DCC: variants seen among roughly 807,000 people sequenced by gnomAD.
DCC encodes DCC netrin 1 receptor.
DCC carries 58 observed loss-of-function variants against 172.5 expected under a neutral mutation model. The ratio of observed to expected loss-of-function variants is 0.34; its 90% CI spans 0.27 to 0.42. The LOEUF is 0.42. Among genes scored for constraint, DCC ranks in the 10% least tolerant of loss-of-function variants. The probability of loss-of-function intolerance (pLI) is 1.00; values close to 1 mark genes in which losing one functional copy is unlikely to be tolerated. For synonymous variants in DCC, 709 were observed against 644.5 expected, an observed-to-expected ratio of 1.10 and a Z score of -1.52; for missense variants, 1,740 against 1,791.0, an observed-to-expected ratio of 0.97 and a Z score of 0.51.
At chr18:52,807,510 C>T (rs1231807157) in intron 2 of DCC, among the ~76,000 whole-genome samples, 2 of 140,648 alleles carry the variant, frequency 1.4e-5, no homozygotes, top group East Asian at 2.3e-4. Context: ...AAAATAATGA[C>T]AGCAATATTG....
At chr18:52,681,373 C>T (rs2035747947) in intron 1 of DCC, among the ~76,000 whole-genome samples, 1 of 152,002 alleles carries the variant, frequency 6.6e-6, no homozygotes, top group Non-Finnish European at 1.5e-5. Context: ...AATTTCCATG[C>T]TATCAGGGAG....
At chr18:52,772,988 G>A (rs568723750) in intron 2 of DCC, among the ~76,000 whole-genome samples, 5 of 152,298 alleles carry the variant, frequency 3.3e-5, no homozygotes, top group Middle Eastern at 3.4e-3. Context: ...TATGGGCATA[G>A]ATCCTTGATG....
intron 13 of DCC, among the ~76,000 whole-genome samples, chr18:53,309,428 T>C (rs2057238865): frequency 6.6e-6 from 1 of 152,076 alleles, no homozygotes; most frequent in Non-Finnish European, 1.5e-5. Flanking sequence ...ATTATAACTG[T>C]AAAGACCCTA....
At chr18:52,595,823 A>C (rs1008870469) in intron 1 of DCC, among the ~76,000 whole-genome samples, 2 of 152,202 alleles carry the variant, frequency 1.3e-5, no homozygotes, top group Admixed American at 1.3e-4. Flanking sequence ...ACATACATGT[A>C]AATCTGCAAG....
chr18:53,517,844 A>G (rs984196237), intron 27 of DCC, among the ~76,000 whole-genome samples: 1 of 152,106 alleles, frequency 6.6e-6, no homozygotes, highest in African/African-American at 2.4e-5. Context: ...ATGCCTTAAG[A>G]TTGTTGCAAA....
intron 1 of DCC, among the ~76,000 whole-genome samples, chr18:52,344,067 C>A (rs1286249280): frequency 6.6e-6 from 1 of 152,230 alleles, no homozygotes; most frequent in Non-Finnish European, 1.5e-5. Flanking sequence ...TGCTTTAATG[C>A]TCTTAAAAGC....
chr18:52,585,362 C>A (rs1238966831), intron 1 of DCC, among the ~76,000 whole-genome samples: 1 of 152,154 alleles, frequency 6.6e-6, no homozygotes, highest in African/African-American at 2.4e-5. Context: ...TCACCTGTAA[C>A]ATTTCTGTAG....
At chr18:52,765,200 A>ATT (rs563633847) in intron 2 of DCC, among the ~76,000 whole-genome samples, 10 of 138,176 alleles carry the variant, frequency 7.2e-5, no homozygotes, top group Middle Eastern at 3.8e-3. Flanking sequence ...CTCCTGGCTA[A>ATT]TTTTTTTTTT....
intron 1 of DCC, among the ~76,000 whole-genome samples, chr18:52,617,736 TA>T (rs1158566044): frequency 2.0e-5 from 3 of 152,166 alleles, no homozygotes; most frequent in Non-Finnish European, 1.5e-5. Context: ...AAAATATGAG[TA>T]AAATGTTTTT....
intron 22 of DCC, among the ~76,000 whole-genome samples, chr18:53,437,965 A>C (rs1238058823): frequency 6.6e-6 from 1 of 152,212 alleles, no homozygotes; most frequent in Admixed American, 6.5e-5. Context: ...GAGGATGAGA[A>C]AATCCCTAGA....
At chr18:53,104,405 C>T (rs1022655076) in intron 7 of DCC, among the ~76,000 whole-genome samples, 2 of 151,906 alleles carry the variant, frequency 1.3e-5, no homozygotes, top group Non-Finnish European at 2.9e-5. Flanking sequence ...TGGGAGTTTC[C>T]CTGCACAAGC....
intron 7 of DCC, among the ~76,000 whole-genome samples, chr18:53,107,120 T>A (rs2144237610): frequency 6.6e-6 from 1 of 151,924 alleles, no homozygotes; most frequent in Non-Finnish European, 1.5e-5. Flanking sequence ...TTCCTGAGAA[T>A]GCAGCCCAGT....
chr18:53,178,915 A>C, intron 8 of DCC, 47 bp from the exon 9 acceptor site: 1 of 1,609,940 alleles, frequency 6.2e-7, no homozygotes, highest in Non-Finnish European at 8.5e-7. Context: ...TTTTGGCTGA[A>C]GGTATTCTTT....
At chr18:52,583,780 G>T (rs1194062588) in intron 1 of DCC, among the ~76,000 whole-genome samples, 1 of 152,196 alleles carries the variant, frequency 6.6e-6, no homozygotes, top group Middle Eastern at 3.2e-3. Flanking sequence ...CGTAAAATAT[G>T]ACTTAGGTTA....
intron 12 of DCC, among the ~76,000 whole-genome samples, chr18:53,236,721 G>A (rs2056207569): frequency 6.6e-6 from 1 of 152,020 alleles, no homozygotes; most frequent in South Asian, 2.1e-4. Flanking sequence ...TTACATTTAG[G>A]TCTGTGATAC....
chr18:52,538,904 T>C (rs370628729), intron 1 of DCC, among the ~76,000 whole-genome samples: 2 of 152,174 alleles, frequency 1.3e-5, no homozygotes, highest in Admixed American at 6.5e-5. Context: ...AATGAATAAA[T>C]AAATGAATGA....
intron 1 of DCC, among the ~76,000 whole-genome samples, chr18:52,458,716 A>T (rs1988534586): frequency 6.6e-6 from 1 of 152,198 alleles, no homozygotes; most frequent in African/African-American, 2.4e-5. Flanking sequence ...CTGGCATAAA[A>T]GTCTATATTA....
intron 1 of DCC, among the ~76,000 whole-genome samples, chr18:52,468,382 C>T (rs1476213497): frequency 6.6e-6 from 1 of 152,118 alleles, no homozygotes; most frequent in African/African-American, 2.4e-5. Context: ...TGATAAGTTC[C>T]AAGTGAATCT....
intron 7 of DCC, among the ~76,000 whole-genome samples, chr18:53,136,838 C>T (rs2043750480): frequency 6.6e-6 from 1 of 152,122 alleles, no homozygotes; most frequent in South Asian, 2.1e-4. Flanking sequence ...GGAGAATTAC[C>T]ACAAATTTTC....
Sources: gnomAD v4.1 joint callset for allele counts (sites outside exome capture counted in the v4.1 genomes callset) on GRCh38, gnomAD v4.1.1 for gene constraint, MANE v1.5 for transcripts, NCBI Gene and HGNC (gene_info 2026-07-23, HGNC 2026-07-21) for gene names.